Variants in HIVEP3 observed in about 807,000 individuals in gnomAD.
HIVEP3 encodes the protein transcription factor HIVEP3.
In HIVEP3, 49 loss-of-function variants were observed where a neutral mutation model predicts 152.8. The ratio of observed to expected loss-of-function variants is 0.32; its 90% CI spans 0.26 to 0.41. The LOEUF (loss-of-function observed/expected upper bound fraction) is 0.41. HIVEP3 is among the 10% of genes least tolerant of loss of function. The probability of loss-of-function intolerance (pLI) is 1.00; values close to 1 mark genes in which losing one functional copy is unlikely to be tolerated. For missense variants in HIVEP3, 2,790 were observed against 3,103.3 expected, an observed-to-expected ratio of 0.90 and a Z score of 2.40; for synonymous variants, 1,269 against 1,289.0, an observed-to-expected ratio of 0.98 and a Z score of 0.33.
intron 1 of HIVEP3, among the ~76,000 whole-genome samples, chr1:41,706,920 A>C (rs1224910074): frequency 6.6e-6 from 1 of 152,250 alleles, no homozygotes; most frequent in Non-Finnish European, 1.5e-5. Context: ...CAATTCACTC[A>C]GTGGTCAGGG....
intron 1 of HIVEP3, among the ~76,000 whole-genome samples, chr1:41,945,593 G>A (rs1645070364): frequency 6.6e-6 from 1 of 152,136 alleles, no homozygotes; most frequent in Non-Finnish European, 1.5e-5. Flanking sequence ...GACAACAGAG[G>A]AAAGAGAACG....
intron 1 of HIVEP3, among the ~76,000 whole-genome samples, chr1:41,887,990 C>T (rs1253463192): frequency 1.3e-5 from 2 of 151,820 alleles, no homozygotes; most frequent in Non-Finnish European, 2.9e-5. Context: ...ATATAGAATG[C>T]TCCCATCACA....
intron 2 of HIVEP3, among the ~76,000 whole-genome samples, chr1:41,645,823 C>A (rs12089144): frequency 0.021 from 3,178 of 152,264 alleles, 123 homozygotes; most frequent in African/African-American, 0.073. Flanking sequence ...AGGTGACAGG[C>A]CTCTGTTGTG....
At chr1:41,577,324 GTTA>G (rs1644341509) in intron 4 of HIVEP3, among the ~76,000 whole-genome samples, 1 of 152,208 alleles carries the variant, frequency 6.6e-6, no homozygotes, top group Non-Finnish European at 1.5e-5. Flanking sequence ...TGCGCTAAGT[GTTA>G]TTATTATCCC....
intron 1 of HIVEP3, among the ~76,000 whole-genome samples, chr1:41,791,998 G>C (rs567473816): frequency 9.9e-5 from 15 of 152,240 alleles, no homozygotes; most frequent in African/African-American, 3.1e-4. Context: ...CCTCCGTGAA[G>C]CCTTTCCAGA....
intron 1 of HIVEP3, among the ~76,000 whole-genome samples, chr1:41,755,893 G>C (rs1388338675): frequency 6.6e-6 from 1 of 152,168 alleles, no homozygotes; most frequent in Non-Finnish European, 1.5e-5. Flanking sequence ...AAATGATATA[G>C]CTACACTGAA....
At chr1:41,598,247 G>C (rs1644695011) in intron 3 of HIVEP3, among the ~76,000 whole-genome samples, 1 of 152,196 alleles carries the variant, frequency 6.6e-6, no homozygotes, top group South Asian at 2.1e-4. Context: ...GCAGTGGCCT[G>C]ATCTCTTGTC....
At chr1:41,724,185 C>T (rs1646718783) in intron 1 of HIVEP3, among the ~76,000 whole-genome samples, 1 of 152,162 alleles carries the variant, frequency 6.6e-6, no homozygotes, top group Non-Finnish European at 1.5e-5. Context: ...CTGTCACCTT[C>T]CGAAGCCACT....
chr1:41,629,257 C>T (rs1356969118), intron 2 of HIVEP3, among the ~76,000 whole-genome samples: 3 of 152,206 alleles, frequency 2.0e-5, no homozygotes, highest in Admixed American at 2.0e-4. Flanking sequence ...GGTTATGTTA[C>T]AGGGCACAAC....
intron 1 of HIVEP3, among the ~76,000 whole-genome samples, chr1:41,851,289 C>CTTTTTTTTTT (rs34180186): frequency 4.3e-4 from 26 of 59,806 alleles, no homozygotes; most frequent in East Asian, 1.5e-3. Context: ...TCTTCTTCTT[C>CTTTTTTTTTT]TTTTTTTTTT....
At chr1:41,598,348 TC>T (rs1289819950) in intron 3 of HIVEP3, among the ~76,000 whole-genome samples, 4 of 152,202 alleles carry the variant, frequency 2.6e-5, no homozygotes, top group Non-Finnish European at 5.9e-5. Context: ...CCTACAAGCT[TC>T]CTAGGTAGTT....
chr1:41,551,344 T>TG (rs960152369), intron 5 of HIVEP3, among the ~76,000 whole-genome samples: 27 of 151,794 alleles, frequency 1.8e-4, no homozygotes, highest in African/African-American at 5.1e-4. Context: ...TCTCTTTTTT[T>TG]TTGTTGTGTC....
chr1:41,875,068 A>G (rs1053712351), intron 1 of HIVEP3, among the ~76,000 whole-genome samples: 7 of 152,210 alleles, frequency 4.6e-5, no homozygotes, highest in African/African-American at 1.7e-4. Context: ...AGAACAGCAA[A>G]TAGGCTTCTG....
chr1:41,696,389 T>C (rs565685163), intron 2 of HIVEP3, among the ~76,000 whole-genome samples: 94 of 152,374 alleles, frequency 6.2e-4, no homozygotes, highest in Non-Finnish European at 1.2e-3. Context: ...AGCTGGCTTG[T>C]TCTCTAAGAG....
chr1:41,558,008 C>T (rs1353118150), intron 5 of HIVEP3, among the ~76,000 whole-genome samples: 1 of 152,176 alleles, frequency 6.6e-6, no homozygotes, highest in African/African-American at 2.4e-5. Flanking sequence ...ACAAATGGAG[C>T]TACACGGAGG....
chr1:41,778,564 A>C (rs1256259416), intron 1 of HIVEP3, among the ~76,000 whole-genome samples: 1 of 152,218 alleles, frequency 6.6e-6, no homozygotes, highest in African/African-American at 2.4e-5. Flanking sequence ...GGGGCAGGTC[A>C]GCCTGACAGT....
At chr1:41,604,012 T>A (rs1010004503) in intron 3 of HIVEP3, among the ~76,000 whole-genome samples, 5 of 152,214 alleles carry the variant, frequency 3.3e-5, no homozygotes, top group Non-Finnish European at 7.3e-5. Flanking sequence ...ACAGCTAACA[T>A]GAAGCAAACA....
intron 1 of HIVEP3, among the ~76,000 whole-genome samples, chr1:41,991,311 G>A (rs1645359461): frequency 6.6e-6 from 1 of 150,810 alleles, no homozygotes; most frequent in South Asian, 2.1e-4. Context: ...AATGATAAAG[G>A]GGATATCACC....
chr1:41,913,200 C>G (rs1644823030), intron 1 of HIVEP3, among the ~76,000 whole-genome samples: 2 of 152,196 alleles, frequency 1.3e-5, no homozygotes, highest in Admixed American at 6.5e-5. Flanking sequence ...CCTCTTCACT[C>G]TGGAATGGAA....
Sources: gnomAD v4.1 joint callset for allele counts (sites outside exome capture counted in the v4.1 genomes callset) on GRCh38, gnomAD v4.1.1 for gene constraint, MANE v1.5 for transcripts, NCBI Gene and HGNC (gene_info 2026-07-23, HGNC 2026-07-21) for gene names.